FGF11: variants seen among roughly 807,000 people sequenced by gnomAD.
FGF11 encodes fibroblast growth factor 11.
Under a neutral mutation model 25.1 loss-of-function variants are expected in FGF11, and 25 were observed. That is an observed-to-expected ratio of 1.00 (90% CI 0.73 to 1.39). The LOEUF is 1.39. FGF11 is among the 40% of genes most tolerant of loss of function. FGF11 has a pLI of 0.00. For missense variants in FGF11, 320 were observed against 311.0 expected, an observed-to-expected ratio of 1.03 and a Z score of -0.22; for synonymous variants, 130 against 128.9, an observed-to-expected ratio of 1.01 and a Z score of -0.06.
Position 7,440,891 on chromosome 17 carries a change from C to T in FGF11, c.194-580C>T, listed in dbSNP as rs1000283469. The T allele has an allele frequency of 1.0e-6, 1 of 989,902 alleles. No homozygotes were observed. 61.3% of individuals were successfully genotyped at this position (989,902 alleles called of 1,614,324 possible). On this transcript the variant is annotated intron_variant, in intron 1 of 4. Transcript: ENST00000293829. The surrounding 1 kb of genome is among the most constrained non-coding windows in gnomAD (Gnocchi z 5.4). Reference sequence around the variant, plus strand: ...TGAGCCTCAGGGAGAACTGGGCCCCCGGGAGCCAGCGGACTGACAGACAGA... The same window carrying T: ...TGAGCCTCAGGGAGAACTGGGCCCCTGGGAGCCAGCGGACTGACAGACAGA...
intron 4 of FGF11, 133 bp downstream of exon 4, chr17:7,442,925 C>A: frequency 1.6e-6 from 2 of 1,225,136 alleles, no homozygotes; most frequent in Non-Finnish European, 2.4e-6. Flanking sequence ...GAAGGCTTTG[C>A]CCTTTGGGGG....
At chr17:7,442,254 C>T in intron 3 of FGF11, 1 of 361,900 alleles carries the variant, frequency 2.8e-6, no homozygotes, top group African/African-American at 2.1e-5. Context: ...TGCAAGACCC[C>T]TAAAAGTCTA....
Position 7,440,830 on chromosome 17 carries a change from T to C in FGF11, c.194-641T>C, listed in dbSNP as rs895828821. ...CCCATATCCTTGGTAAGGTCCCCCT[T>C]ACCCCAGGCGAGTTACCTGGCCGAA... On this transcript the variant is annotated intron_variant, in intron 1 of 4. Coordinates refer to ENST00000293829, the MANE Select transcript of FGF11 (RefSeq NM_004112.4). The surrounding 1 kb of genome is among the most constrained non-coding windows in gnomAD (Gnocchi z 5.4). 12 of 988,386 alleles carry C rather than the reference T, an allele frequency of 1.2e-5. No homozygotes were observed. The highest frequency in any genetic ancestry group is 1.4e-5 in the Non-Finnish European group (12 of 831,900). The allele number at this position is 988,386 out of a possible 1,614,324, so 61.2% of individuals were successfully genotyped here. A position where few individuals can be genotyped will look rare whatever the true frequency, so the allele number is the denominator to read the frequency against.
Position 7,441,594 on chromosome 17 carries a change from G to A in FGF11, c.304+13G>A, listed in dbSNP as rs113533412. 2.2e-4 allele frequency: 353 copies of A among 1,614,128 alleles called. No homozygotes were observed. The African/African-American group carries it at 3.7e-3, about 17-fold the overall frequency. On this transcript the variant is annotated intron_variant, in intron 2 of 4. Coordinates refer to ENST00000293829, the MANE Select transcript of FGF11 (RefSeq NM_004112.4). ...ACCAGCTCCTTCAGTGAGAGGGGAA[G>A]CTGGCTGCAGGGTGGGAAGGGGGAG... is the stretch of plus-strand genomic sequence containing the variant.
Position 7,442,505 on chromosome 17 carries a change from T to G in FGF11, c.409-89T>G. The G allele has an allele frequency of 4.2e-6, 5 of 1,198,430 alleles. No homozygotes were observed. The South Asian group carries it at 4.9e-5, about 12-fold the overall frequency. 74.2% of individuals were successfully genotyped at this position (1,198,430 alleles called of 1,614,324 possible). A position where few individuals can be genotyped will look rare whatever the true frequency, so the allele number is the denominator to read the frequency against. On this transcript the variant is annotated intron_variant, in intron 3 of 4. Coordinates refer to ENST00000293829, the MANE Select transcript of FGF11 (RefSeq NM_004112.4). ...GTCCTCCCCCTCCCCCAAAAAGGAT[T>G]TGTGCTTTCCATGAGCTCCTTTCTG...
At position 7,440,708 on chromosome 17, in the gene FGF11, C is replaced by T. The variant is rs1456376938; in HGVS notation, c.194-763C>T. The T allele has an allele frequency of 5.1e-6, 5 of 985,814 alleles. No individual in the cohort carries two copies. The highest frequency in any genetic ancestry group is 1.7e-5 in the African/African-American group (1 of 57,164). 61.1% of individuals were successfully genotyped at this position (985,814 alleles called of 1,614,324 possible). ...CCTCGCGCCCTCCTCCCCGCGCCACCGGCTGCCCATAGTGGTACAATCCGC... is the reference window on the plus strand; with the variant it reads ...CCTCGCGCCCTCCTCCCCGCGCCACTGGCTGCCCATAGTGGTACAATCCGC... On this transcript the variant is annotated intron_variant, in intron 1 of 4. Transcript: ENST00000293829. This position sits in a 1 kb window ranked among gnomAD's most constrained non-coding sequence, Gnocchi z 5.4.
At position 7,442,701 on chromosome 17, in the gene FGF11, C is replaced by T. The variant is rs774587924; in HGVS notation, c.516C>T (p.Tyr172=). The stretch of plus-strand genomic sequence containing the variant: ...AGCGTCGTTCTGGCCGGGCCTGGTA[C>T]CTCGGCCTGGACAAGGAGGGCCAGG... ...YRQRRSGRAW[Y]LGLDKEGQVM... is the part of the protein sequence containing the mutation. The change falls in exon 4 of 5, where the codon TAC becomes TAT. Residue 172 remains tyrosine (Y), a synonymous_variant. Transcript: ENST00000293829. 12 of 1,614,064 alleles carry T rather than the reference C, an allele frequency of 7.4e-6. No individual in the cohort carries two copies. Among genetic ancestry groups the T allele is most frequent in the Non-Finnish European group, 1.0e-5 (12 of 1,180,050 alleles).
intron 3 of FGF11, 135 bp downstream of exon 3, chr17:7,442,014 T>C: frequency 1.5e-6 from 1 of 658,080 alleles, no homozygotes. Flanking sequence ...GCTGATGGCC[T>C]GTCATCGCTG....
At position 7,440,934 on chromosome 17, in the gene FGF11, G is replaced by A. The variant is rs1391431916; in HGVS notation, c.194-537G>A. 2 of 962,474 alleles carry A rather than the reference G, an allele frequency of 2.1e-6. No individual in the cohort carries two copies. The highest frequency in any genetic ancestry group is 1.8e-5 in the African/African-American group (1 of 57,014). The allele number at this position is 962,474 out of a possible 1,614,324, so 59.6% of individuals were successfully genotyped here. On this transcript the variant is annotated intron_variant, in intron 1 of 4. Coordinates refer to ENST00000293829, the MANE Select transcript of FGF11 (RefSeq NM_004112.4). The surrounding 1 kb of genome is among the most constrained non-coding windows in gnomAD (Gnocchi z 5.4). Reference sequence around the variant, plus strand: ...CAGACAGACAGACAGACAGACAGATGGGTCAGTGTCAGACAGGCCGGCGCT... The same window carrying A: ...CAGACAGACAGACAGACAGACAGATAGGTCAGTGTCAGACAGGCCGGCGCT...
intron 4 of FGF11, 134 bp downstream of exon 4, chr17:7,442,926 C>G (rs1908400094): frequency 1.6e-6 from 2 of 1,222,428 alleles, no homozygotes; most frequent in African/African-American, 3.0e-5. Context: ...AAGGCTTTGC[C>G]CTTTGGGGGT....
At chr17:7,439,354 G>T, upstream of FGF11, 1 of 377,334 alleles carries the variant, frequency 2.7e-6, no homozygotes, top group Non-Finnish European at 4.7e-6. Context: ...TTTTCAATAG[G>T]AGGCAAAACT....
rs1908488696 is a variant in FGF11 at position 7,444,330 on chromosome 17, A to G, written c.*1184A>G. 1 of 152,594 alleles carries G rather than the reference A, an allele frequency of 6.6e-6. No homozygotes were observed. Among genetic ancestry groups the G allele is most frequent in the Non-Finnish European group, 1.5e-5 (1 of 68,036 alleles). The allele number at this position is 152,594 out of a possible 1,614,324, so 9.5% of individuals were successfully genotyped here. On this transcript the variant is annotated 3_prime_UTR_variant, in exon 5 of 5. Transcript: ENST00000293829. ...CTGCATCTGTGTTGGGTGGACATGAATACTTAGCTACCTCAGCAGGAATTC... is the reference window on the plus strand; with the variant it reads ...CTGCATCTGTGTTGGGTGGACATGAGTACTTAGCTACCTCAGCAGGAATTC...
chr17:7,442,910 G>A, intron 4 of FGF11, 118 bp downstream of exon 4: 1 of 1,277,666 alleles, frequency 7.8e-7, no homozygotes. Context: ...GACAGATCAA[G>A]CCAGGAAGGC....
At chr17:7,442,980 A>G (rs1908402384) in intron 4 of FGF11, 96 bp from the exon 5 acceptor site, 1 of 1,189,292 alleles carries the variant, frequency 8.4e-7, no homozygotes, top group South Asian at 1.3e-5. Context: ...TGGAGGGTGA[A>G]TGTACGGGAA....
intron 3 of FGF11, 155 bp from the exon 4 acceptor site, chr17:7,442,439 G>T (rs1228849566): frequency 8.1e-6 from 12 of 1,483,004 alleles, no homozygotes; most frequent in Non-Finnish European, 1.1e-5. Context: ...CCTCTTCCTT[G>T]TCCTCCCTTT....
chr17:7,440,229 C>A lies in FGF11; in HGVS notation c.193+416C>A, dbSNP rs1182171710. 6 of 151,922 alleles carry A rather than the reference C, an allele frequency of 3.9e-5. No homozygotes were observed. Among genetic ancestry groups the A allele is most frequent in the African/African-American group, 7.6e-5 (3 of 39,552 alleles). 9.4% of individuals were successfully genotyped at this position (151,922 alleles called of 1,614,324 possible). A position where few individuals can be genotyped will look rare whatever the true frequency, so the allele number is the denominator to read the frequency against. On this transcript the variant is annotated intron_variant, in intron 1 of 4. Transcript: ENST00000293829. The surrounding 1 kb of genome is among the most constrained non-coding windows in gnomAD (Gnocchi z 5.4). ...GCAGCTCCAGCCGCACGCCCCCCCC[C>A]AGCCCCCGCCTGCCCCGGTTCTCCC...
chr17:7,441,184 T>C, intron 1 of FGF11: 2 of 341,028 alleles, frequency 5.9e-6, no homozygotes, highest in Admixed American at 3.8e-5. Context: ...CCTCCCCCAC[T>C]CCTTCCCCCT....
chr17:7,438,681 C>T (rs1158198783), upstream of FGF11, among the ~76,000 whole-genome samples: 1 of 152,144 alleles, frequency 6.6e-6, no homozygotes, highest in Non-Finnish European at 1.5e-5. Context: ...GCACTCCTCT[C>T]TTGGGGGGCT....
At chr17:7,442,949 C>A in intron 4 of FGF11, 127 bp from the exon 5 acceptor site, 1 of 1,146,910 alleles carries the variant, frequency 8.7e-7, no homozygotes, top group Non-Finnish European at 1.3e-6. Context: ...GGGTGCGGTC[C>A]TCCTGTGGGG....
Sources: allele counts gnomAD v4.1 joint callset (sites outside exome capture counted in the v4.1 genomes callset), GRCh38; gene constraint gnomAD v4.1.1; non-coding constraint Gnocchi (gnomAD v3.1); transcripts MANE v1.5; gene names NCBI Gene and HGNC (gene_info 2026-07-23, HGNC 2026-07-21).